Variants in IGSF9 observed in about 807,000 individuals in gnomAD.
IGSF9 encodes the protein immunoglobulin superfamily member 9.
Under a neutral mutation model 121.7 loss-of-function variants are expected in IGSF9, and 87 were observed. That is an observed-to-expected ratio of 0.71 (90% CI 0.60 to 0.85). The LOEUF (loss-of-function observed/expected upper bound fraction) is 0.85, where lower values mean the gene tolerates loss of function less well. Among genes scored for constraint, IGSF9 ranks in the 40% least tolerant of loss-of-function variants. The probability of loss-of-function intolerance (pLI) is 0.00; values close to 1 mark genes in which losing one functional copy is unlikely to be tolerated. For synonymous variants in IGSF9, 640 were observed against 648.4 expected, an observed-to-expected ratio of 0.99 and a Z score of 0.20; for missense variants, 1,462 against 1,565.3, an observed-to-expected ratio of 0.93 and a Z score of 1.11.
Position 159,929,398 on chromosome 1 carries a change from A to T in IGSF9, c.2327-5T>A. The stretch of plus-strand genomic sequence containing the variant: ...GAGAGAAGATAAGAGGTGGATCTGG[A>T]AGGGCATGAGAATAGTAGGTGACAC... On this transcript the variant is annotated splice_region_variant and splice_polypyrimidine_tract_variant and intron_variant, in intron 17 of 20. Coordinates refer to ENST00000368094, the MANE Select transcript of IGSF9 (RefSeq NM_001135050.2). The T allele has an allele frequency of 6.2e-7, 1 of 1,614,092 alleles. No individual in the cohort carries two copies. Among genetic ancestry groups the T allele is most frequent in the Non-Finnish European group, 8.5e-7 (1 of 1,179,974 alleles).
At chr1:159,943,266 C>G in intron 2 of IGSF9, 115 bp from the exon 3 acceptor site, 1 of 1,303,004 alleles carries the variant, frequency 7.7e-7, no homozygotes, top group Admixed American at 2.9e-5. Context: ...GAGAAACCCC[C>G]AGTTCAGCTT....
Position 159,931,155 on chromosome 1 carries a change from A to C in IGSF9, c.1620T>G (p.Ser540Arg), listed in dbSNP as rs922520600. ...GFDGGYLQRFSVWYTPLAKRP... is the reference protein window; with the variant it reads ...GFDGGYLQRFRVWYTPLAKRP... Reference sequence around the variant, plus strand: ...TCACTCACAGTGGGGTGTACCAGACACTGAATCTCTGCAGATAACCACCAT... The same window carrying C: ...TCACTCACAGTGGGGTGTACCAGACCCTGAATCTCTGCAGATAACCACCAT... The change falls in exon 13 of 21, where the codon AGT becomes AGG. Residue 540 changes from serine (S) to arginine (R), a missense_variant. Coordinates refer to ENST00000368094, the MANE Select transcript of IGSF9 (RefSeq NM_001135050.2). This position sits in a 1 kb window ranked among gnomAD's most constrained non-coding sequence, Gnocchi z 4.8. 3 of 1,614,000 alleles carry C rather than the reference A, an allele frequency of 1.9e-6. No homozygotes were observed. In the African/African-American group the frequency reaches 4.0e-5, roughly 22 times the overall value.
In IGSF9 at chr1:159,928,335, C is replaced by G. The variant is rs746964166; in HGVS notation, c.3053G>C (p.Arg1018Pro). The G allele has an allele frequency of 3.1e-6, 5 of 1,609,412 alleles. No homozygotes were observed. Among genetic ancestry groups the G allele is most frequent in the Non-Finnish European group, 4.2e-6 (5 of 1,178,044 alleles). Residue 1018 changes from arginine (R) to proline (P), a missense_variant, in exon 19 of 21, where the codon CGA (arginine) becomes CCA (proline). By Grantham distance (103) the Arg-to-Pro change is moderately radical (BLOSUM62 -2). Transcript: ENST00000368094. The stretch of plus-strand genomic sequence containing the variant: ...ACTGCTCTGGCTGGTGAGGCTGCCT[C>G]GAGGGGCAGCAGGGAGAAGGCCTGG... The part of the protein sequence containing the change: ...LLPGLLPAAP[R>P]GSLTSQSSGR...
At position 159,928,182 on chromosome 1, in the gene IGSF9, T is replaced by C; in HGVS notation, c.3206A>G (p.Glu1069Gly). 1 of 1,610,066 alleles carries C rather than the reference T, an allele frequency of 6.2e-7. No homozygotes were observed. Residue 1069 changes from glutamate to glycine, a missense_variant, in exon 19 of 21, where the codon GAG becomes GGG. Glu to Gly is a moderately conservative substitution (Grantham distance 98, BLOSUM62 -2). Transcript: ENST00000368094. Reference sequence around the variant, plus strand: ...CCTCTTGCTGACTGTCACCACATGCTCCCTTCGGGGCCATCTCTCAGGGCC... The same window carrying C: ...CCTCTTGCTGACTGTCACCACATGCCCCCTTCGGGGCCATCTCTCAGGGCC... ...ASGPERWPRR[E>G]HVVTVSKRRN...
In IGSF9 at chr1:159,927,097, C is replaced by CAGAGAGAGAGAG. The variant is rs1553225973; in HGVS notation, c.*236_*247dup. On this transcript the variant is annotated 3_prime_UTR_variant, in exon 21 of 21. Coordinates refer to ENST00000368094, the MANE Select transcript of IGSF9 (RefSeq NM_001135050.2). The stretch of plus-strand genomic sequence containing the variant: ...AACTTCACACACACACACACACACA[C>CAGAGAGAGAGAG]AGAGAGAGAGAGAGAGAGAGAGAGA... 11 of 371,948 alleles carry CAGAGAGAGAGAG rather than the reference C, an allele frequency of 3.0e-5. No individual in the cohort carries two copies. The highest frequency in any genetic ancestry group is 1.5e-4 in the South Asian group (4 of 26,274). 23.0% of individuals were successfully genotyped at this position (371,948 alleles called of 1,614,324 possible). A position where few individuals can be genotyped will look rare whatever the true frequency, so the allele number is the denominator to read the frequency against.
intron 19 of IGSF9, 125 bp from the exon 20 acceptor site, chr1:159,928,012 G>GA: frequency 6.7e-7 from 1 of 1,484,632 alleles, no homozygotes; most frequent in Admixed American, 2.0e-5. Context: ...AAAATCCCTG[G>GA]ACCTCAGCAA....
intron 6 of IGSF9, 99 bp downstream of exon 6, chr1:159,936,300 A>C: frequency 9.2e-7 from 1 of 1,084,044 alleles, no homozygotes; most frequent in Non-Finnish European, 1.4e-6. Flanking sequence ...GCCCTCAGGC[A>C]CAAATCTCCC....
In IGSF9 at chr1:159,929,984, G is replaced by T. The variant is rs1270660472; in HGVS notation, c.2065-9C>A. On this transcript the variant is annotated splice_polypyrimidine_tract_variant and intron_variant, in intron 15 of 20. Transcript: ENST00000368094. ...AACTCGTAGAGAACATCCTGCGATG[G>T]GGATGGGGTACCAGGAGGGAGGTCA... 6.3e-7 allele frequency: 1 copy of T among 1,592,700 alleles called. No individual in the cohort carries two copies.
Position 159,931,559 on chromosome 1 carries a change from G to T in IGSF9, c.1407C>A (p.Ser469Arg). 1 of 1,614,104 alleles carries T rather than the reference G, an allele frequency of 6.2e-7. No homozygotes were observed. The highest frequency in any genetic ancestry group is 8.5e-7 in the Non-Finnish European group (1 of 1,179,994). The change falls in exon 12 of 21, where the codon AGC becomes AGA. Residue 469 changes from serine to arginine, a missense_variant. Coordinates refer to ENST00000368094, the MANE Select transcript of IGSF9 (RefSeq NM_001135050.2). This position sits in a 1 kb window ranked among gnomAD's most constrained non-coding sequence, Gnocchi z 4.8. ...TGGTCAATGGTCGCAGGATGAGGCT[G>T]CTGTTGCTGTCCACCTGGGCCTGGC... Reference protein sequence around the residue: ...LQGQAQVDSNSSLILRPLTKE... With the variant: ...LQGQAQVDSNRSLILRPLTKE...
Position 159,932,935 on chromosome 1 carries a change from T to C in IGSF9, c.1105-283A>G. 3.2e-6 allele frequency: 1 copy of C among 311,312 alleles called. No homozygotes were observed. Among genetic ancestry groups the C allele is most frequent in the Non-Finnish European group, 5.9e-6 (1 of 169,056 alleles). 19.3% of individuals were successfully genotyped at this position (311,312 alleles called of 1,614,324 possible). ...CCCCTGTAGTTGGGCCGCGTGGGGC[T>C]TCCTGCCTGCTGGGACTTCACCTGG... On this transcript the variant is annotated intron_variant, in intron 9 of 20. Transcript: ENST00000368094. The surrounding 1 kb of genome is among the most constrained non-coding windows in gnomAD (Gnocchi z 4.1).
In IGSF9 at chr1:159,928,703, G is replaced by T; in HGVS notation, c.2685C>A (p.Pro895=). 1 of 1,478,152 alleles carries T rather than the reference G, an allele frequency of 6.8e-7. No individual in the cohort carries two copies. The highest frequency in any genetic ancestry group is 9.0e-7 in the Non-Finnish European group (1 of 1,112,900). 91.6% of individuals were successfully genotyped at this position (1,478,152 alleles called of 1,614,324 possible). ...DCSSSSPSGA[P]QPLCIEDISP... Reference sequence around the variant, plus strand: ...TGATGTCTTCAATGCAGAGGGGCTGGGGTGCCCCACTGGGGCTGCTGCTGC... The same window carrying T: ...TGATGTCTTCAATGCAGAGGGGCTGTGGTGCCCCACTGGGGCTGCTGCTGC... Residue 895 remains proline (P), a synonymous_variant, in exon 19 of 21, where the codon CCC becomes CCA. Coordinates refer to ENST00000368094, the MANE Select transcript of IGSF9 (RefSeq NM_001135050.2).
At position 159,932,598 on chromosome 1, in the gene IGSF9, C is replaced by T; in HGVS notation, c.1159G>A (p.Glu387Lys). ...CAGGAGTATTCTCCCAGGGCATCCT[C>T]GTTCCCCAGGGCGATGATCAGTGAG... ...EGSLIIALGN[E>K]DALGEYSCTP... The change falls in exon 10 of 21, where the codon GAG becomes AAG. Residue 387 changes from glutamate to lysine, a missense_variant. Physicochemically the swap from Glu to Lys is moderately conservative, Grantham distance 56. Coordinates refer to ENST00000368094, the MANE Select transcript of IGSF9 (RefSeq NM_001135050.2). The surrounding 1 kb of genome is among the most constrained non-coding windows in gnomAD (Gnocchi z 4.1). 3 of 1,613,958 alleles carry T rather than the reference C, an allele frequency of 1.9e-6. No individual in the cohort carries two copies. The highest frequency in any genetic ancestry group is 1.1e-5 in the South Asian group (1 of 91,074).
In IGSF9 at chr1:159,943,092, C is replaced by T. The variant is rs766943352; in HGVS notation, c.118G>A (p.Gly40Ser). Residue 40 changes from glycine to serine, a missense_variant, in exon 3 of 21, where the codon GGC becomes AGC. Physicochemically the swap from Gly to Ser is moderately conservative, Grantham distance 56. Coordinates refer to ENST00000368094, the MANE Select transcript of IGSF9 (RefSeq NM_001135050.2). Reference protein sequence around the residue: ...VGRAGESVVLGCDLLPPAGRP... With the variant: ...VGRAGESVVLSCDLLPPAGRP... Reference sequence around the variant, plus strand: ...CCGGCCGGGGGCAGCAGGTCACAGCCCAGCACCACACTCTCCCCAGCCCGG... The same window carrying T: ...CCGGCCGGGGGCAGCAGGTCACAGCTCAGCACCACACTCTCCCCAGCCCGG... 6.2e-7 allele frequency: 1 copy of T among 1,612,210 alleles called. No homozygotes were observed. Among genetic ancestry groups the T allele is most frequent in the Non-Finnish European group, 8.5e-7 (1 of 1,179,304 alleles).
Position 159,931,791 on chromosome 1 carries a change from G to C in IGSF9, c.1362+21C>G, listed in dbSNP as rs1415054827. The C allele has an allele frequency of 6.6e-7, 1 of 1,517,430 alleles. No individual in the cohort carries two copies. Among genetic ancestry groups the C allele is most frequent in the Non-Finnish European group, 8.9e-7 (1 of 1,118,136 alleles). 94.0% of individuals were successfully genotyped at this position (1,517,430 alleles called of 1,614,324 possible). ...GGTGTAGTGGGCGTGGGTACAGGCA[G>C]AGCGGGCTCAGGAGCCTTACCTTGG... is the stretch of plus-strand genomic sequence containing the variant. On this transcript the variant is annotated intron_variant, in intron 11 of 20. Transcript: ENST00000368094. The surrounding 1 kb of genome is among the most constrained non-coding windows in gnomAD (Gnocchi z 4.8).
rs903520159 is a variant in IGSF9, at chr1:159,932,747, C to T, written c.1105-95G>A. The T allele has an allele frequency of 7.9e-6, 10 of 1,260,232 alleles. No individual in the cohort carries two copies. Among genetic ancestry groups the T allele is most frequent in the South Asian group, 7.4e-5 (5 of 67,214 alleles). The allele number at this position is 1,260,232 out of a possible 1,614,324, so 78.1% of individuals were successfully genotyped here. ...GAGAGGGGGCAGGATGAGAAACCCA[C>T]AGCTGTGCAGAAGACTCCAGCAGCT... On this transcript the variant is annotated intron_variant, in intron 9 of 20. Coordinates refer to ENST00000368094, the MANE Select transcript of IGSF9 (RefSeq NM_001135050.2). This position sits in a 1 kb window ranked among gnomAD's most constrained non-coding sequence, Gnocchi z 4.1.
In IGSF9 at chr1:159,929,027, G is replaced by C. The variant is rs1054100997; in HGVS notation, c.2370-9C>G. 3.4e-5 allele frequency: 52 copies of C among 1,513,922 alleles called. No individual in the cohort carries two copies. Among genetic ancestry groups the C allele is most frequent in the Non-Finnish European group, 4.4e-5 (50 of 1,133,108 alleles). The allele number at this position is 1,513,922 out of a possible 1,614,324, so 93.8% of individuals were successfully genotyped here. A position where few individuals can be genotyped will look rare whatever the true frequency, so the allele number is the denominator to read the frequency against. On this transcript the variant is annotated splice_polypyrimidine_tract_variant and intron_variant, in intron 18 of 20. Transcript: ENST00000368094. ...CTGAGCCCAGAGCAGAGCTGGGGAA[G>C]GACAGGAGATCAGGGTCTGTGGTAG...
chr1:159,938,086 A>G (rs992152812), intron 3 of IGSF9, among the ~76,000 whole-genome samples: 17 of 152,176 alleles, frequency 1.1e-4, no homozygotes, highest in Admixed American at 1.1e-3. Flanking sequence ...CTAGGGGGAC[A>G]GCAGGTGGAC....
chr1:159,942,193 C>T (rs893906522), intron 3 of IGSF9, among the ~76,000 whole-genome samples: 3 of 152,248 alleles, frequency 2.0e-5, no homozygotes, highest in Non-Finnish European at 2.9e-5. Context: ...TAGATTAAGG[C>T]TCCATCCGGG....
rs1651124676 is a variant in IGSF9, at chr1:159,934,669, G to A, written c.815+12C>T. 1 of 1,614,070 alleles carries A rather than the reference G, an allele frequency of 6.2e-7. No individual in the cohort carries two copies. The highest frequency in any genetic ancestry group is 1.3e-5 in the African/African-American group (1 of 74,946). ...TTCCCCACCTCCACCTTCCTAATGAGGGTGACCCCACCTAATGTGGAAGAC... is the reference window on the plus strand; with the variant it reads ...TTCCCCACCTCCACCTTCCTAATGAAGGTGACCCCACCTAATGTGGAAGAC... On this transcript the variant is annotated intron_variant, in intron 7 of 20. Coordinates refer to ENST00000368094, the MANE Select transcript of IGSF9 (RefSeq NM_001135050.2).
Sources: allele counts gnomAD v4.1 joint callset (sites outside exome capture counted in the v4.1 genomes callset), GRCh38; gene constraint gnomAD v4.1.1; non-coding constraint Gnocchi (gnomAD v3.1); transcripts MANE v1.5; gene names NCBI Gene and HGNC (gene_info 2026-07-23, HGNC 2026-07-21).